GRIA4: variants seen among roughly 807,000 people sequenced by gnomAD.
GRIA4 encodes glutamate receptor 4.
A neutral mutation model predicts 104.0 loss-of-function variants in GRIA4; 34 were observed. That is an observed-to-expected ratio of 0.33 (90% CI 0.25 to 0.44). The LOEUF (loss-of-function observed/expected upper bound fraction) is 0.44, where lower values mean the gene tolerates loss of function less well. GRIA4 is among the 20% of genes least tolerant of loss of function. GRIA4 has a pLI of 1.00. For synonymous variants in GRIA4, 386 were observed against 381.9 expected, an observed-to-expected ratio of 1.01 and a Z score of -0.13; for missense variants, 750 against 1,096.5, an observed-to-expected ratio of 0.68 and a Z score of 4.46.
In GRIA4 at chr11:105,827,490, C is replaced by A. The variant is rs1487410283; in HGVS notation, c.488-34534C>A. Among the ~76,000 whole-genome samples the A allele has an allele frequency of 2.0e-5, 3 of 151,504 alleles. No individual in the cohort carries two copies. The East Asian group carries it at 5.8e-4, about 29-fold the overall frequency. On this transcript the variant is annotated intron_variant, in intron 4 of 16. Transcript: ENST00000282499. Reference sequence around the variant, plus strand: ...TAAATAAACTTATCTTAAAATAAATCTTCTTCATTTCAGAGGTTTACTAAA... The same window carrying A: ...TAAATAAACTTATCTTAAAATAAATATTCTTCATTTCAGAGGTTTACTAAA...
chr11:105,944,003 A>G (rs1418898011), intron 14 of GRIA4, among the ~76,000 whole-genome samples: 3 of 152,198 alleles, frequency 2.0e-5, no homozygotes, highest in African/African-American at 7.2e-5. Context: ...AAGAACACAA[A>G]GGAAACCACA....
chr11:105,873,833 T>C (rs983440785), intron 5 of GRIA4, among the ~76,000 whole-genome samples: 17 of 152,198 alleles, frequency 1.1e-4, no homozygotes, highest in Non-Finnish European at 1.2e-4. Context: ...GTCAGATGGA[T>C]AGATTGCAAA....
rs781755645 is a variant in GRIA4, at chr11:105,753,239, T to C, written c.487+19T>C. ...GACAGGGGTAAGTCCAGTTTCTTCA[T>C]CTATTAGAGCAAAACTCTAATTTTC... On this transcript the variant is annotated intron_variant, in intron 4 of 16. Transcript: ENST00000282499. 6.2e-7 allele frequency: 1 copy of C among 1,611,086 alleles called. No individual in the cohort carries two copies. The highest frequency in any genetic ancestry group is 1.3e-5 in the African/African-American group (1 of 74,940).
intron 7 of GRIA4, among the ~76,000 whole-genome samples, chr11:105,903,551 G>A (rs1200144075): frequency 6.6e-6 from 1 of 152,150 alleles, no homozygotes; most frequent in East Asian, 1.9e-4. Context: ...TCTCCAAATT[G>A]ATGGAAAACT....
intron 14 of GRIA4, among the ~76,000 whole-genome samples, chr11:105,966,932 G>C (rs1244046121): frequency 6.6e-6 from 1 of 152,008 alleles, no homozygotes; most frequent in Non-Finnish European, 1.5e-5. Flanking sequence ...ACAAACTTTT[G>C]TCTCCATTCT....
intron 4 of GRIA4, among the ~76,000 whole-genome samples, chr11:105,798,566 A>G (rs1942585443): frequency 6.6e-6 from 1 of 152,170 alleles, no homozygotes; most frequent in Non-Finnish European, 1.5e-5. Flanking sequence ...ATATTTTAGG[A>G]TCTGTCTGTA....
intron 3 of GRIA4, among the ~76,000 whole-genome samples, chr11:105,731,374 CAA>C (rs538652903): frequency 4.6e-5 from 7 of 152,196 alleles, no homozygotes; most frequent in South Asian, 4.1e-4. Flanking sequence ...AATCAGGAAA[CAA>C]GAGATGCTCA....
At chr11:105,936,774 T>G (rs150801270) in intron 14 of GRIA4, among the ~76,000 whole-genome samples, 1 of 152,184 alleles carries the variant, frequency 6.6e-6, no homozygotes, top group Non-Finnish European at 1.5e-5. Context: ...TCTCAAACAG[T>G]AGATCTGTAA....
chr11:105,865,075 T>C (rs1945356913), intron 5 of GRIA4, among the ~76,000 whole-genome samples: 1 of 152,238 alleles, frequency 6.6e-6, no homozygotes, highest in Non-Finnish European at 1.5e-5. Context: ...AATTATTTTA[T>C]GACATGAACT....
rs371352882 is a variant in GRIA4 at position 105,731,850 on chromosome 11, G to A, written c.248-21131G>A. On this transcript the variant is annotated intron_variant, in intron 3 of 16. Coordinates refer to ENST00000282499, the MANE Select transcript of GRIA4 (RefSeq NM_000829.4). ...AATAAAAACATATGGGCACAGGGAG[G>A]GGAATATCACAAACCAGGGCCTGTC... is the stretch of plus-strand genomic sequence containing the variant. Among the ~76,000 whole-genome samples, 87 of 152,098 alleles carry A rather than the reference G, an allele frequency of 5.7e-4. 2 individuals carry two copies. The South Asian group carries it at 0.014, about 24-fold the overall frequency.
At chr11:105,621,649 G>A (rs1384882078) in intron 3 of GRIA4, among the ~76,000 whole-genome samples, 1 of 151,586 alleles carries the variant, frequency 6.6e-6, no homozygotes, top group East Asian at 1.9e-4. Flanking sequence ...ATTATTTCCA[G>A]GTCTTTGATA....
chr11:105,786,729 C>T (rs550390698), intron 4 of GRIA4, among the ~76,000 whole-genome samples: 4 of 152,144 alleles, frequency 2.6e-5, no homozygotes, highest in East Asian at 1.9e-4. Context: ...AGCTTAAAAG[C>T]GATTTTGCTA....
rs201998484 is a variant in GRIA4 at position 105,814,677 on chromosome 11, GA to G, written c.488-47340del. Reference sequence around the variant, plus strand: ...ACCATTTTAAGTGTATACAGAAAGGGAAAAAAAGAATTGGCTACATTTTTTA... The same window carrying G: ...ACCATTTTAAGTGTATACAGAAAGGGAAAAAAGAATTGGCTACATTTTTTA... On this transcript the variant is annotated intron_variant, in intron 4 of 16. Transcript: ENST00000282499. 7.8e-4 allele frequency among the ~76,000 whole-genome samples: 118 copies of G among 151,954 alleles called. 1 individual carries two copies. In the East Asian group the frequency reaches 0.017, roughly 22 times the overall value.
intron 4 of GRIA4, among the ~76,000 whole-genome samples, chr11:105,819,405 C>G (rs1943499353): frequency 6.6e-6 from 1 of 152,138 alleles, no homozygotes; most frequent in Non-Finnish European, 1.5e-5. Flanking sequence ...TCACTCATAA[C>G]AGTACTCAGC....
intron 9 of GRIA4, among the ~76,000 whole-genome samples, chr11:105,907,428 CT>C (rs1455855655): frequency 6.6e-6 from 1 of 152,190 alleles, no homozygotes; most frequent in East Asian, 1.9e-4. Flanking sequence ...GGCAATGTGT[CT>C]GAGAAGTGAG....
intron 3 of GRIA4, among the ~76,000 whole-genome samples, chr11:105,677,370 G>T (rs1952571581): frequency 6.6e-6 from 1 of 151,806 alleles, no homozygotes; most frequent in Admixed American, 6.6e-5. Flanking sequence ...AAATAATTGA[G>T]ATAGCATTAT....
intron 14 of GRIA4, among the ~76,000 whole-genome samples, chr11:105,939,190 T>C (rs1948124441): frequency 6.6e-6 from 1 of 152,158 alleles, no homozygotes; most frequent in Non-Finnish European, 1.5e-5. Context: ...ACTGAGAATT[T>C]ATCAGTATTT....
chr11:105,640,036 ATAGG>A (rs1236978792), intron 3 of GRIA4, among the ~76,000 whole-genome samples: 2 of 151,974 alleles, frequency 1.3e-5, no homozygotes, highest in Admixed American at 6.6e-5. Flanking sequence ...AATGGGAAAA[ATAGG>A]TAGATAATAT....
chr11:105,614,573 T>C (rs1322331444), intron 3 of GRIA4: 3 of 152,012 alleles, frequency 2.0e-5, no homozygotes, highest in Non-Finnish European at 2.9e-5. Context: ...TCTGTTTATT[T>C]AGAATCCAAG....
Sources: allele counts gnomAD v4.1 joint callset (sites outside exome capture counted in the v4.1 genomes callset), GRCh38; gene constraint gnomAD v4.1.1; transcripts MANE v1.5; gene names NCBI Gene and HGNC (gene_info 2026-07-23, HGNC 2026-07-21).